GOLGA4: variants seen among roughly 807,000 people sequenced by gnomAD.
GOLGA4 encodes the protein golgin A4.
In GOLGA4, 169 loss-of-function variants were observed where a neutral mutation model predicts 265.9. The ratio of observed to expected loss-of-function variants is 0.64; its 90% CI spans 0.56 to 0.72. The LOEUF is 0.72. Ranked by LOEUF, GOLGA4 falls within the 30% of genes least tolerant of loss-of-function variation. The pLI is 0.00. For missense variants in GOLGA4, 2,482 were observed against 2,483.4 expected, an observed-to-expected ratio of 1.00 and a Z score of 0.01; for synonymous variants, 923 against 855.8, an observed-to-expected ratio of 1.08 and a Z score of -1.37.
chr3:37,285,861 T>C (rs1216367712), intron 3 of GOLGA4, among the ~76,000 whole-genome samples, 153 bp from the exon 4 acceptor site: 3 of 152,240 alleles, frequency 2.0e-5, no homozygotes, highest in Non-Finnish European at 2.9e-5. Context: ...GTATGTCCTA[T>C]GTTAGTTTTG....
At chr3:37,321,688 G>A (rs1373406731) in intron 12 of GOLGA4, 43 bp from the exon 13 acceptor site, 2 of 1,551,868 alleles carry the variant, frequency 1.3e-6, no homozygotes, top group Non-Finnish European at 8.7e-7. Flanking sequence ...GAATGCTGAA[G>A]ATTTATGTGC....
At chr3:37,248,386 T>C (rs948149223) in intron 1 of GOLGA4, among the ~76,000 whole-genome samples, 3 of 152,232 alleles carry the variant, frequency 2.0e-5, no homozygotes, top group Non-Finnish European at 4.4e-5. Flanking sequence ...GGTTTTTTGG[T>C]TAACAGCTTA....
At chr3:37,357,999 C>G (rs190025582) in intron 22 of GOLGA4, among the ~76,000 whole-genome samples, 1 of 152,162 alleles carries the variant, frequency 6.6e-6, no homozygotes, top group African/African-American at 2.4e-5. Context: ...ATCAGCAACC[C>G]TAAGTGTTTT....
chr3:37,323,116 CTTTTTT>C (rs567838649), intron 13 of GOLGA4, among the ~76,000 whole-genome samples: 10 of 114,172 alleles, frequency 8.8e-5, no homozygotes, highest in Non-Finnish European at 7.0e-5. Flanking sequence ...TTCCTTTTGT[CTTTTTT>C]TTTTTTTTTT....
chr3:37,298,951 A>G lies in GOLGA4; in HGVS notation c.933A>G (p.Leu311=), dbSNP rs774270100. The G allele has an allele frequency of 2.5e-6, 4 of 1,609,512 alleles. No homozygotes were observed. The highest frequency in any genetic ancestry group is 2.2e-5 in the South Asian group (2 of 89,646). ...AGTCACATAAGGAACAATGTACACT[A>G]TTAACTAGTGAAAAAGAAGCTCTGC... ...TIQSHKEQCT[L]LTSEKEALQE... is the part of the protein sequence containing the mutation. Residue 311 remains leucine (L), a synonymous_variant, in exon 8 of 24, where the codon CTA becomes CTG. Coordinates refer to ENST00000361924, the MANE Select transcript of GOLGA4 (RefSeq NM_002078.5).
chr3:37,320,855 A>T (rs571229785), intron 12 of GOLGA4, among the ~76,000 whole-genome samples: 4 of 152,110 alleles, frequency 2.6e-5, no homozygotes, highest in Admixed American at 1.3e-4. Flanking sequence ...GCATATAGAG[A>T]TATATTTAAA....
At chr3:37,281,212 A>G (rs1298223677) in intron 2 of GOLGA4, among the ~76,000 whole-genome samples, 1 of 152,230 alleles carries the variant, frequency 6.6e-6, no homozygotes, top group East Asian at 1.9e-4. Flanking sequence ...AATTAGGAGA[A>G]CAGGTCTTCC....
intron 2 of GOLGA4, 141 bp downstream of exon 2, chr3:37,251,625 C>CT (rs112817114): frequency 0.089 from 42,060 of 473,176 alleles, 1,520 homozygotes; most frequent in African/African-American, 0.26. Flanking sequence ...CACAATTGGT[C>CT]TTTTTTTTTT....
At chr3:37,352,781 T>G (rs1304552732) in intron 21 of GOLGA4, among the ~76,000 whole-genome samples, 1 of 152,068 alleles carries the variant, frequency 6.6e-6, no homozygotes, top group Non-Finnish European at 1.5e-5. Flanking sequence ...ATAAGGCTAT[T>G]TCATTCTGAT....
chr3:37,243,836 A>G (rs1323137853), intron 1 of GOLGA4: 25 of 578,006 alleles, frequency 4.3e-5, no homozygotes, highest in South Asian at 4.1e-4. Flanking sequence ...CATCCAGTCA[A>G]TGAGTGGATG....
At chr3:37,289,125 T>C in intron 4 of GOLGA4, 110 bp from the exon 5 acceptor site, 2 of 640,436 alleles carry the variant, frequency 3.1e-6, no homozygotes, top group Non-Finnish European at 5.5e-6. Context: ...CAGGTTATTT[T>C]TGGATAAACG....
intron 3 of GOLGA4, among the ~76,000 whole-genome samples, chr3:37,284,290 A>G (rs1323621726): frequency 6.6e-6 from 1 of 152,054 alleles, no homozygotes; most frequent in Admixed American, 6.6e-5. Context: ...TGTGAGACGG[A>G]GTCTCACTCT....
intron 22 of GOLGA4, among the ~76,000 whole-genome samples, chr3:37,359,083 G>A (rs2097097827): frequency 6.6e-6 from 1 of 152,102 alleles, no homozygotes; most frequent in Non-Finnish European, 1.5e-5. Context: ...CATACCAAAT[G>A]CACATATCTC....
intron 1 of GOLGA4, among the ~76,000 whole-genome samples, chr3:37,249,420 T>C (rs1284261377): frequency 6.6e-6 from 1 of 152,156 alleles, no homozygotes; most frequent in Non-Finnish European, 1.5e-5. Context: ...CTTGTTTATA[T>C]GCTTTTTTTT....
At chr3:37,335,290 T>G (rs1175230653) in intron 17 of GOLGA4, 124 bp downstream of exon 17, 3 of 595,058 alleles carry the variant, frequency 5.0e-6, no homozygotes, top group Non-Finnish European at 9.1e-6. Flanking sequence ...CCTTTGAGAT[T>G]TTTACCTCCG....
rs560123700 is a variant in GOLGA4 at position 37,321,463 on chromosome 3, G to A, written c.1546-268G>A. 215 of 310,754 alleles carry A rather than the reference G, an allele frequency of 6.9e-4. 5 individuals are homozygous for A. In the South Asian group the frequency reaches 0.017, roughly 24 times the overall value. 19.2% of individuals were successfully genotyped at this position (310,754 alleles called of 1,614,324 possible). The stretch of plus-strand genomic sequence containing the variant: ...GACCTTTCACATTCAGCAGTGTTTC[G>A]TAAAACAAGTAGTGGAAAAATAGCA... On this transcript the variant is annotated intron_variant, in intron 12 of 23. Coordinates refer to ENST00000361924, the MANE Select transcript of GOLGA4 (RefSeq NM_002078.5).
chr3:37,317,972 AT>A (rs537527745), intron 11 of GOLGA4, among the ~76,000 whole-genome samples: 84 of 140,742 alleles, frequency 6.0e-4, no homozygotes, highest in East Asian at 4.6e-3. Flanking sequence ...TGCTATGTGG[AT>A]TTTTTTTTTT....
chr3:37,277,896 C>T (rs2150749671), intron 2 of GOLGA4, among the ~76,000 whole-genome samples: 1 of 152,130 alleles, frequency 6.6e-6, no homozygotes, highest in Non-Finnish European at 1.5e-5. Flanking sequence ...CTCCTTTGCT[C>T]CCTTTTTCCA....
chr3:37,304,278 G>T (rs1478562596), intron 10 of GOLGA4, among the ~76,000 whole-genome samples: 1 of 152,160 alleles, frequency 6.6e-6, no homozygotes, highest in African/African-American at 2.4e-5. Context: ...TGTTAAGGAG[G>T]GGACTGGGTC....
Sources: gnomAD v4.1 joint callset for allele counts (sites outside exome capture counted in the v4.1 genomes callset) on GRCh38, gnomAD v4.1.1 for gene constraint, MANE v1.5 for transcripts, NCBI Gene and HGNC (gene_info 2026-07-23, HGNC 2026-07-21) for gene names.